CHST1: variants seen among roughly 807,000 people sequenced by gnomAD.
The protein encoded by CHST1 is Keratan sulfotransferase.
Under a neutral mutation model 22.5 loss-of-function variants are expected in CHST1, and 10 were observed. That is an observed-to-expected ratio of 0.44 (90% CI 0.27 to 0.75). CHST1 has a LOEUF of 0.75. Among genes scored for constraint, CHST1 ranks in the 30% least tolerant of loss-of-function variants. The probability of loss-of-function intolerance (pLI) is 0.15; values close to 1 mark genes in which losing one functional copy is unlikely to be tolerated. For missense variants in CHST1, 439 were observed against 576.1 expected, an observed-to-expected ratio of 0.76 and a Z score of 2.44; for synonymous variants, 267 against 264.5, an observed-to-expected ratio of 1.01 and a Z score of -0.09.
At position 45,649,827 on chromosome 11, in the gene CHST1, T is replaced by C. The variant is rs1288549833; in HGVS notation, c.1097A>G (p.Tyr366Cys). 6.2e-7 allele frequency: 1 copy of C among 1,611,640 alleles called. No individual in the cohort carries two copies. ...TAEKWRFRLS[Y>C]DIVAFAQNAC... is the part of the protein sequence containing the mutation. ...GTTCTGGGCAAAGGCCACGATGTCG[T>C]AGGAGAGGCGGAAGCGCCACTTCTC... The change falls in exon 4 of 4, where the codon TAC becomes TGC. Residue 366 changes from tyrosine to cysteine, a missense_variant. Physicochemically the swap from Tyr to Cys is radical, Grantham distance 194. Transcript: ENST00000308064.
rs140951795 is a variant in CHST1 at position 45,650,873 on chromosome 11, G to A, written c.51C>T (p.Ala17=). The change falls in exon 4 of 4, where the codon GCC becomes GCT. Residue 17 remains alanine, a synonymous_variant. Coordinates refer to ENST00000308064, the MANE Select transcript of CHST1 (RefSeq NM_003654.6). ...AVLLLALASI[A]IQYTAIRTFT... is the part of the protein sequence containing the mutation. ...AGGTGCGGATGGCCGTGTACTGGAT[G>A]GCAATGGAGGCCAGGGCAAGGAGGA... The A allele has an allele frequency of 6.4e-7, 1 of 1,564,082 alleles. No individual in the cohort carries two copies.
chr11:45,650,437 G>C lies in CHST1; in HGVS notation c.487C>G (p.Arg163Gly). 1 of 1,610,538 alleles carries C rather than the reference G, an allele frequency of 6.2e-7. No individual in the cohort carries two copies. Among genetic ancestry groups the C allele is most frequent in the Non-Finnish European group, 8.5e-7 (1 of 1,179,846 alleles). ...RRGASRVLCS[R>G]PVCDPPGPAD... ...GGCCCCGGAGGGTCGCACACAGGCC[G>C]GGAGCAGAGGACCCGGCTGGCCCCG... Residue 163 changes from arginine to glycine, a missense_variant, in exon 4 of 4, where the codon CGG (arginine) becomes GGG (glycine). By Grantham distance (125) the Arg-to-Gly change is moderately radical (BLOSUM62 -2). Transcript: ENST00000308064.
At chr11:45,656,833 T>G (rs1233301939) in intron 1 of CHST1, among the ~76,000 whole-genome samples, 1 of 150,462 alleles carries the variant, frequency 6.6e-6, no homozygotes. Flanking sequence ...GGTGGGCCAC[T>G]AAGGACAGTA....
rs999963425 is a variant in CHST1 at position 45,647,955 on chromosome 11, A to C, written c.*1733T>G. 6.6e-6 allele frequency among the ~76,000 whole-genome samples: 1 copy of C among 152,148 alleles called. No individual in the cohort carries two copies. The highest frequency in any genetic ancestry group is 1.5e-5 in the Non-Finnish European group (1 of 68,024). On this transcript the variant is annotated 3_prime_UTR_variant, in exon 4 of 4. Transcript: ENST00000308064. ...GGACCCCTGGGGCTGCCTAATCACC[A>C]GACACTCCTTTGTCCCAGGACAACA...
intron 1 of CHST1, among the ~76,000 whole-genome samples, chr11:45,664,616 G>C (rs544957233): frequency 2.0e-4 from 30 of 152,368 alleles, no homozygotes; most frequent in African/African-American, 7.2e-4. Flanking sequence ...AAGAGCGGGA[G>C]GGTTGTTCCG....
chr11:45,657,886 A>G (rs1314480021), intron 1 of CHST1, among the ~76,000 whole-genome samples: 1 of 152,196 alleles, frequency 6.6e-6, no homozygotes, highest in African/African-American at 2.4e-5. Context: ...CAGAACCACT[A>G]CATTTTCTGA....
At chr11:45,663,546 C>T (rs1358615840) in intron 1 of CHST1, among the ~76,000 whole-genome samples, 4 of 152,194 alleles carry the variant, frequency 2.6e-5, no homozygotes, top group African/African-American at 7.2e-5. Flanking sequence ...TGCGTTTCTG[C>T]TTTGAGATGG....
rs1273554070 is a variant in CHST1 at position 45,648,976 on chromosome 11, C to A, written c.*712G>T. ...CCACTCTTTTTTTTTCTTTTTGGCA[C>A]AAAGAAATATCACAGATGGACCCCG... is the stretch of plus-strand genomic sequence containing the variant. On this transcript the variant is annotated 3_prime_UTR_variant, in exon 4 of 4. Transcript: ENST00000308064. 6.6e-6 allele frequency: 1 copy of A among 151,928 alleles called. No individual in the cohort carries two copies. The highest frequency in any genetic ancestry group is 1.5e-5 in the Non-Finnish European group (1 of 67,910). 9.4% of individuals were successfully genotyped at this position (151,928 alleles called of 1,614,324 possible).
chr11:45,650,246 G>A lies in CHST1; in HGVS notation c.678C>T (p.Asn226=), dbSNP rs757422338. 3 of 1,608,360 alleles carry A rather than the reference G, an allele frequency of 1.9e-6. No individual in the cohort carries two copies. The highest frequency in any genetic ancestry group is 2.5e-6 in the Non-Finnish European group (3 of 1,179,602). Residue 226 remains asparagine, a synonymous_variant, in exon 4 of 4, where the codon AAC becomes AAT. Transcript: ENST00000308064. The part of the protein sequence containing the change: ...LRALVEDPRL[N]LKVIQLVRDP... The stretch of plus-strand genomic sequence containing the variant: ...CTCGGACCAGCTGGATGACCTTGAG[G>A]TTTAATCGCGGGTCTTCCACCAGGG...
intron 1 of CHST1, among the ~76,000 whole-genome samples, chr11:45,655,258 T>G (rs753175878): frequency 1.2e-4 from 19 of 152,188 alleles, no homozygotes; most frequent in African/African-American, 1.9e-4. Context: ...AAATGTCAAT[T>G]AATATCATCA....
At chr11:45,654,397 C>G (rs931291087) in intron 1 of CHST1, among the ~76,000 whole-genome samples, 1 of 152,362 alleles carries the variant, frequency 6.6e-6, no homozygotes, top group East Asian at 1.9e-4. Context: ...CTTGTACCCC[C>G]GGGGAGGGCA....
rs765271697 is a variant in CHST1, at chr11:45,648,446, C to T, written c.*1242G>A. Among the ~76,000 whole-genome samples, 3 of 151,678 alleles carry T rather than the reference C, an allele frequency of 2.0e-5. No individual in the cohort carries two copies. The highest frequency in any genetic ancestry group is 4.4e-5 in the Non-Finnish European group (3 of 67,946). On this transcript the variant is annotated 3_prime_UTR_variant, in exon 4 of 4. Coordinates refer to ENST00000308064, the MANE Select transcript of CHST1 (RefSeq NM_003654.6). ...TCTGCAATCCCAGCACTTTGGGAGGCTGAGGCAGGAGGAATGCCCAGAGCT... is the reference window on the plus strand; with the variant it reads ...TCTGCAATCCCAGCACTTTGGGAGGTTGAGGCAGGAGGAATGCCCAGAGCT...
At chr11:45,660,579 T>G (rs1356249419) in intron 1 of CHST1, among the ~76,000 whole-genome samples, 1 of 152,192 alleles carries the variant, frequency 6.6e-6, no homozygotes. Flanking sequence ...GAGAGGGGCT[T>G]AAATGGCATC....
At position 45,650,282 on chromosome 11, in the gene CHST1, G is replaced by T; in HGVS notation, c.642C>A (p.Asn214Lys). ...GGTCTTCCACCAGGGCGCGCAGGTC[G>T]TTCACCTCGGGCACGCGCACCGTCT... Reference protein sequence around the residue: ...AIKTVRVPEVNDLRALVEDPR... With the variant: ...AIKTVRVPEVKDLRALVEDPR... Residue 214 changes from asparagine to lysine, a missense_variant, in exon 4 of 4, where the codon AAC becomes AAA. Asn to Lys is a moderately conservative substitution (Grantham distance 94). Coordinates refer to ENST00000308064, the MANE Select transcript of CHST1 (RefSeq NM_003654.6). 6.2e-7 allele frequency: 1 copy of T among 1,606,058 alleles called. No homozygotes were observed. The highest frequency in any genetic ancestry group is 8.5e-7 in the Non-Finnish European group (1 of 1,179,458).
At chr11:45,659,947 G>T (rs1251875817) in intron 1 of CHST1, among the ~76,000 whole-genome samples, 1 of 152,212 alleles carries the variant, frequency 6.6e-6, no homozygotes, top group Non-Finnish European at 1.5e-5. Context: ...CCTGGGCCAG[G>T]ATGCCAGTGA....
intron 1 of CHST1, among the ~76,000 whole-genome samples, chr11:45,656,030 G>A (rs1194545688): frequency 1.3e-5 from 2 of 152,230 alleles, no homozygotes; most frequent in Non-Finnish European, 1.5e-5. Context: ...GGCAGCGCCA[G>A]GGGGTGGCGG....
chr11:45,658,483 G>A (rs1852089372), intron 1 of CHST1, among the ~76,000 whole-genome samples: 1 of 152,184 alleles, frequency 6.6e-6, no homozygotes, highest in South Asian at 2.1e-4. Flanking sequence ...TGCGTGGTTG[G>A]AGACCCTGAC....
rs777806565 is a variant in CHST1 at position 45,649,838 on chromosome 11, G to A, written c.1086C>T (p.Phe362=). ...AGGCCACGATGTCGTAGGAGAGGCGGAAGCGCCACTTCTCGGCCGTGGCCG... is the reference window on the plus strand; with the variant it reads ...AGGCCACGATGTCGTAGGAGAGGCGAAAGCGCCACTTCTCGGCCGTGGCCG... ...NSAATAEKWR[F]RLSYDIVAFA... The change falls in exon 4 of 4, where the codon TTC becomes TTT. Residue 362 remains phenylalanine, a synonymous_variant. Coordinates refer to ENST00000308064, the MANE Select transcript of CHST1 (RefSeq NM_003654.6). The A allele has an allele frequency of 6.2e-7, 1 of 1,611,424 alleles. No individual in the cohort carries two copies. The highest frequency in any genetic ancestry group is 8.5e-7 in the Non-Finnish European group (1 of 1,179,954).
In CHST1 at chr11:45,660,098, T is replaced by G. The variant is rs1166013129; in HGVS notation, c.-227+5080A>C. 3.9e-5 allele frequency among the ~76,000 whole-genome samples: 6 copies of G among 152,366 alleles called. No homozygotes were observed. The East Asian group carries it at 1.2e-3, about 29-fold the overall frequency. On this transcript the variant is annotated intron_variant, in intron 1 of 3. Transcript: ENST00000308064. ...CTCCATTGTAGAACACAATGGCGGCTGCTCATATACAGTGGCGGCCTAGCA... is the reference window on the plus strand; with the variant it reads ...CTCCATTGTAGAACACAATGGCGGCGGCTCATATACAGTGGCGGCCTAGCA...
Sources: gnomAD v4.1 joint callset for allele counts (sites outside exome capture counted in the v4.1 genomes callset) on GRCh38, gnomAD v4.1.1 for gene constraint, MANE v1.5 for transcripts, NCBI Gene and HGNC (gene_info 2026-07-23, HGNC 2026-07-21) for gene names.